Variants in ZFAND3 observed in about 807,000 individuals in gnomAD.
The protein encoded by ZFAND3 is zinc finger AN1-type containing 3.
A neutral mutation model predicts 29.6 loss-of-function variants in ZFAND3; 10 were observed. The ratio of observed to expected loss-of-function variants is 0.34; its 90% CI spans 0.21 to 0.57. The LOEUF is 0.57. Among genes scored for constraint, ZFAND3 ranks in the 20% least tolerant of loss-of-function variants. ZFAND3 has a pLI of 0.86. For missense variants in ZFAND3, 230 were observed against 304.5 expected (o/e 0.76, Z 1.82); for synonymous variants, 128 against 112.6 (o/e 1.14, Z -0.87).
At chr6:38,008,624 TTC>T (rs1428515756) in intron 2 of ZFAND3, among the ~76,000 whole-genome samples, 1 of 152,108 alleles carries the variant, frequency 6.6e-6, no homozygotes, top group Non-Finnish European at 1.5e-5. Context: ...CCTCTTCTCT[TTC>T]TCTCCTTCTA....
chr6:37,973,802 GT>G, intron 2 of ZFAND3, among the ~76,000 whole-genome samples: 1 of 152,184 alleles, frequency 6.6e-6, no homozygotes, highest in East Asian at 1.9e-4. Flanking sequence ...TTTAAGGACT[GT>G]CTTTTCTTTC....
chr6:37,909,538 C>T (rs1765481998), intron 1 of ZFAND3, among the ~76,000 whole-genome samples: 1 of 151,606 alleles, frequency 6.6e-6, no homozygotes, highest in South Asian at 2.1e-4. Context: ...CCCTTGGCCT[C>T]TCAAAGTGCT....
In ZFAND3 at chr6:37,929,335, C is replaced by T. The variant is rs774474861; in HGVS notation, c.72-624C>T. 2.6e-5 allele frequency among the ~76,000 whole-genome samples: 4 copies of T among 152,016 alleles called. No homozygotes were observed. In the East Asian group the frequency reaches 7.7e-4, roughly 29 times the overall value. On this transcript the variant is annotated intron_variant, in intron 1 of 5. Coordinates refer to ENST00000287218, the MANE Select transcript of ZFAND3 (RefSeq NM_021943.3). ...GGGACGATTAATAAGATAATGTATG[C>T]GAAATGCCCATCCAAGTTAGTATTC...
chr6:37,990,048 G>A (rs1762733147), intron 2 of ZFAND3, among the ~76,000 whole-genome samples: 1 of 152,120 alleles, frequency 6.6e-6, no homozygotes, highest in Non-Finnish European at 1.5e-5. Context: ...GTATAGCCCA[G>A]GACAGTGGTT....
At position 38,075,900 on chromosome 6, in the gene ZFAND3, C is replaced by T. The variant is rs551327511; in HGVS notation, c.296-6492C>T. Among the ~76,000 whole-genome samples the T allele has an allele frequency of 9.2e-5, 14 of 152,186 alleles. No individual in the cohort carries two copies. In the East Asian group the frequency reaches 9.7e-4, roughly 11 times the overall value. ...CCGACTAGCTGAGACTACAGGCGCC[C>T]GCCACCACACCCAACTAATTTTTTT... On this transcript the variant is annotated intron_variant, in intron 3 of 5. Coordinates refer to ENST00000287218, the MANE Select transcript of ZFAND3 (RefSeq NM_021943.3).
chr6:37,855,217 T>C (rs1764359430), intron 1 of ZFAND3, among the ~76,000 whole-genome samples: 1 of 151,048 alleles, frequency 6.6e-6, no homozygotes, highest in Non-Finnish European at 1.5e-5. Context: ...CCGTCTCGTC[T>C]CACGGCAGCC....
intron 1 of ZFAND3, among the ~76,000 whole-genome samples, chr6:37,868,315 G>C (rs913188563): frequency 5.3e-5 from 8 of 152,206 alleles, no homozygotes; most frequent in Non-Finnish European, 1.0e-4. Flanking sequence ...AAAAGATGCA[G>C]TGGGAGTGTA....
At chr6:38,116,495 G>A in intron 4 of ZFAND3, 77 bp from the exon 5 acceptor site, 1 of 1,506,232 alleles carries the variant, frequency 6.6e-7, no homozygotes, top group South Asian at 1.3e-5. Flanking sequence ...TCAGGAGAAT[G>A]CCTGGAAATA....
In ZFAND3 at chr6:37,902,628, A is replaced by G. The variant is rs1340019054; in HGVS notation, c.72-27331A>G. Among the ~76,000 whole-genome samples the G allele has an allele frequency of 6.6e-5, 10 of 152,224 alleles. No individual in the cohort carries two copies. The South Asian group carries it at 1.9e-3, about 28-fold the overall frequency. The stretch of plus-strand genomic sequence containing the variant: ...TGTTGCTTCCACATCTGTTTCCAAT[A>G]GCTGTAATCATGAATTAGATCCCAT... On this transcript the variant is annotated intron_variant, in intron 1 of 5. Coordinates refer to ENST00000287218, the MANE Select transcript of ZFAND3 (RefSeq NM_021943.3).
rs1766278932 is a variant in ZFAND3, at chr6:38,153,456, C to T, written c.*1067C>T. The stretch of plus-strand genomic sequence containing the variant: ...CCCCATAGTCCAAGGACACCCAGTC[C>T]ACATCTACCATATAGCAAGTTTAGT... On this transcript the variant is annotated 3_prime_UTR_variant, in exon 6 of 6. Transcript: ENST00000287218. 1.0e-6 allele frequency: 1 copy of T among 985,586 alleles called. No individual in the cohort carries two copies. Among genetic ancestry groups the T allele is most frequent in the Non-Finnish European group, 1.2e-6 (1 of 830,056 alleles). The allele number at this position is 985,586 out of a possible 1,614,324, so 61.1% of individuals were successfully genotyped here.
intron 5 of ZFAND3, among the ~76,000 whole-genome samples, chr6:38,125,974 A>G (rs984855510): frequency 2.0e-5 from 3 of 152,134 alleles, no homozygotes; most frequent in Admixed American, 6.5e-5. Context: ...ATCTTTATTC[A>G]GAAGTTGAAT....
chr6:37,972,693 A>G (rs979496620), intron 2 of ZFAND3, among the ~76,000 whole-genome samples: 1 of 147,778 alleles, frequency 6.8e-6, no homozygotes, highest in African/African-American at 2.5e-5. Flanking sequence ...TTTCAGGCCT[A>G]TTAATTTTTT....
intron 2 of ZFAND3, among the ~76,000 whole-genome samples, chr6:37,943,043 G>A (rs1761839009): frequency 6.6e-6 from 1 of 152,030 alleles, no homozygotes; most frequent in South Asian, 2.1e-4. Context: ...CAAAAGGAAT[G>A]CATTTCTGTA....
At chr6:38,028,339 A>G (rs994304822) in intron 2 of ZFAND3, among the ~76,000 whole-genome samples, 14 of 152,114 alleles carry the variant, frequency 9.2e-5, no homozygotes, top group African/African-American at 3.4e-4. Context: ...AGTGTAGTAG[A>G]TATATTATTA....
intron 5 of ZFAND3, among the ~76,000 whole-genome samples, chr6:38,121,711 C>T (rs895842200): frequency 4.6e-5 from 7 of 152,156 alleles, no homozygotes; most frequent in South Asian, 4.1e-4. Context: ...TAAATAATCA[C>T]GCATCCTTCT....
At chr6:37,892,720 C>G (rs186582767) in intron 1 of ZFAND3, among the ~76,000 whole-genome samples, 115 of 152,122 alleles carry the variant, frequency 7.6e-4, no homozygotes, top group African/African-American at 2.6e-3. Context: ...ATAGATTGAA[C>G]AAGATACAAA....
intron 4 of ZFAND3, among the ~76,000 whole-genome samples, chr6:38,101,169 A>G (rs967568518): frequency 6.8e-4 from 104 of 152,292 alleles, no homozygotes; most frequent in African/African-American, 2.3e-3. Context: ...ACTAAAGACA[A>G]TTTTCATAAT....
chr6:38,112,810 G>T lies in ZFAND3; in HGVS notation c.362-3762G>T, dbSNP rs190991420. On this transcript the variant is annotated intron_variant, in intron 4 of 5. Transcript: ENST00000287218. ...TAAGCAACTCGCCCTGTGGCACAAA[G>T]GTTTCATTAACTAATTAGCAGAGGA... is the stretch of plus-strand genomic sequence containing the variant. Among the ~76,000 whole-genome samples, 19 of 152,246 alleles carry T rather than the reference G, an allele frequency of 1.2e-4. No homozygotes were observed. In the East Asian group the frequency reaches 3.5e-3, roughly 28 times the overall value.
intron 1 of ZFAND3, among the ~76,000 whole-genome samples, chr6:37,896,554 C>CCTTCTTTCTTTCTTTCTTTCTTTCTTTCT (rs1765213925): frequency 7.3e-6 from 1 of 137,698 alleles, no homozygotes; most frequent in Non-Finnish European, 1.6e-5. Context: ...TTCTTTCTTT[C>CCTTCTTTCTTTCTTTCTTTCTTTCTTTCT]TTTCTTTCTT....
Sources: gnomAD v4.1 joint callset for allele counts (sites outside exome capture counted in the v4.1 genomes callset) on GRCh38, gnomAD v4.1.1 for gene constraint, MANE v1.5 for transcripts, NCBI Gene and HGNC (gene_info 2026-07-23, HGNC 2026-07-21) for gene names.